SPATA21: variants seen among roughly 807,000 people sequenced by gnomAD.
SPATA21 encodes the protein spermatogenesis-associated protein 21.
In SPATA21, 47 loss-of-function variants were observed where a neutral mutation model predicts 54.8. That is an observed-to-expected ratio of 0.86 (90% confidence interval 0.68 to 1.09). The LOEUF (loss-of-function observed/expected upper bound fraction) is 1.09. SPATA21 is among the 50% of genes least tolerant of loss of function. The pLI, the probability that SPATA21 is intolerant of heterozygous loss-of-function variation, is 0.00. For synonymous variants in SPATA21, 245 were observed against 235.3 expected, an observed-to-expected ratio of 1.04 and a Z score of -0.38; for missense variants, 599 against 596.4, an observed-to-expected ratio of 1.00 and a Z score of -0.05.
chr1:16,409,111 C>A lies in SPATA21; in HGVS notation c.673+7G>T. The A allele has an allele frequency of 6.2e-7, 1 of 1,614,014 alleles. No individual in the cohort carries two copies. The highest frequency in any genetic ancestry group is 8.5e-7 in the Non-Finnish European group (1 of 1,179,932). On this transcript the variant is annotated splice_region_variant and intron_variant, in intron 7 of 12. Coordinates refer to ENST00000335496, the MANE Select transcript of SPATA21 (RefSeq NM_198546.1). This position sits in a 1 kb window ranked among gnomAD's most constrained non-coding sequence, Gnocchi z 4.1. ...TGCTGGGACCTCCCTGACCTCCCTGCCCTCACCTTCCTCTTGCTTCAGGGT... is the reference window on the plus strand; with the variant it reads ...TGCTGGGACCTCCCTGACCTCCCTGACCTCACCTTCCTCTTGCTTCAGGGT...
chr1:16,400,416 A>G (rs1257685216), intron 11 of SPATA21: 16 of 1,086,242 alleles, frequency 1.5e-5, no homozygotes, highest in Non-Finnish European at 1.8e-5. Context: ...GGCACTCAAT[A>G]AACAGTGAGC....
chr1:16,418,193 C>T (rs919921914), intron 5 of SPATA21, among the ~76,000 whole-genome samples: 1 of 152,266 alleles, frequency 6.6e-6, no homozygotes. Flanking sequence ...ATCCAGCCCA[C>T]GCTTTGCATG....
In SPATA21 at chr1:16,409,539, G is replaced by C; in HGVS notation, c.587+62C>G. On this transcript the variant is annotated intron_variant, in intron 6 of 12. Transcript: ENST00000335496. This position sits in a 1 kb window ranked among gnomAD's most constrained non-coding sequence, Gnocchi z 4.1. ...GGTGCAGGGACAGGGACCTGCATCCGGGACAAGGCTCTGATCTTGGGGCCT... is the reference window on the plus strand; with the variant it reads ...GGTGCAGGGACAGGGACCTGCATCCCGGACAAGGCTCTGATCTTGGGGCCT... 1.3e-6 allele frequency: 2 copies of C among 1,531,290 alleles called. No homozygotes were observed. The highest frequency in any genetic ancestry group is 1.8e-6 in the Non-Finnish European group (2 of 1,135,718). The allele number at this position is 1,531,290 out of a possible 1,614,324, so 94.9% of individuals were successfully genotyped here.
chr1:16,405,502 A>AC (rs1557647378), intron 7 of SPATA21, among the ~76,000 whole-genome samples: 11 of 148,578 alleles, frequency 7.4e-5, no homozygotes, highest in African/African-American at 2.7e-4. Context: ...TGAAAAAAAA[A>AC]AAAAAAAAAA....
intron 5 of SPATA21, among the ~76,000 whole-genome samples, chr1:16,413,023 C>T (rs946563401): frequency 2.0e-5 from 3 of 152,074 alleles, no homozygotes; most frequent in Non-Finnish European, 4.4e-5. Flanking sequence ...ACCTCTTGAT[C>T]CGCCCGCCTT....
chr1:16,405,120 G>A lies in SPATA21; in HGVS notation c.674-16C>T, dbSNP rs377295551. On this transcript the variant is annotated splice_polypyrimidine_tract_variant and intron_variant, in intron 7 of 12. Transcript: ENST00000335496. ...CTGCGGAAGGCTGTGGGGAGGGCAG[G>A]GTTATGTGGAGTGGGGGCATTTCTT... The A allele has an allele frequency of 1.3e-6, 2 of 1,596,452 alleles. No homozygotes were observed. Among genetic ancestry groups the A allele is most frequent in the Non-Finnish European group, 8.5e-7 (1 of 1,173,442 alleles).
rs993537319 is a variant in SPATA21 at position 16,431,731 on chromosome 1, C to T, written c.-51-309G>A. Reference sequence around the variant, plus strand: ...GGCCTGTTGAATCCCAAAACCCAGGCGCTTTCCCCGACGGCGACATTTCCT... The same window carrying T: ...GGCCTGTTGAATCCCAAAACCCAGGTGCTTTCCCCGACGGCGACATTTCCT... On this transcript the variant is annotated intron_variant, in intron 2 of 12. Transcript: ENST00000335496. Among the ~76,000 whole-genome samples the T allele has an allele frequency of 5.3e-5, 8 of 152,146 alleles. No individual in the cohort carries two copies. The East Asian group carries it at 5.8e-4, about 11-fold the overall frequency.
chr1:16,417,659 T>C (rs1399131764), intron 5 of SPATA21, among the ~76,000 whole-genome samples: 3 of 152,098 alleles, frequency 2.0e-5, no homozygotes, highest in Non-Finnish European at 4.4e-5. Context: ...GGTCTCGAAC[T>C]CCTGACCTCA....
At position 16,409,129 on chromosome 1, in the gene SPATA21, T is replaced by C; in HGVS notation, c.662A>G (p.Lys221Arg). 1 of 1,614,114 alleles carries C rather than the reference T, an allele frequency of 6.2e-7. No individual in the cohort carries two copies. Among genetic ancestry groups the C allele is most frequent in the Non-Finnish European group, 8.5e-7 (1 of 1,179,992 alleles). ...REKSEEQLTL[K>R]QEEAFRSYFE... ...CTCCCTGCCCTCACCTTCCTCTTGCTTCAGGGTCAGTTGCTCCTCGGACTT... is the reference window on the plus strand; with the variant it reads ...CTCCCTGCCCTCACCTTCCTCTTGCCTCAGGGTCAGTTGCTCCTCGGACTT... The change falls in exon 7 of 13, where the codon AAG (lysine) becomes AGG (arginine). Residue 221 changes from lysine to arginine, a missense_variant. By Grantham distance (26) the Lys-to-Arg change is conservative. Coordinates refer to ENST00000335496, the MANE Select transcript of SPATA21 (RefSeq NM_198546.1). This position sits in a 1 kb window ranked among gnomAD's most constrained non-coding sequence, Gnocchi z 4.1.
Position 16,421,788 on chromosome 1 carries a change from G to C in SPATA21, c.95+123C>G. 1 of 1,446,522 alleles carries C rather than the reference G, an allele frequency of 6.9e-7. No individual in the cohort carries two copies. The allele number at this position is 1,446,522 out of a possible 1,614,324, so 89.6% of individuals were successfully genotyped here. A position where few individuals can be genotyped will look rare whatever the true frequency, so the allele number is the denominator to read the frequency against. ...GATGGGGAAATTGAGACCCAGCGGA[G>C]CATGACTTGCCCAAGGTCCTCTACC... On this transcript the variant is annotated intron_variant, in intron 4 of 12. Transcript: ENST00000335496. The surrounding 1 kb of genome is among the most constrained non-coding windows in gnomAD (Gnocchi z 5.2).
In SPATA21 at chr1:16,398,763, G is replaced by C. The variant is rs747128479; in HGVS notation, c.*2C>G. On this transcript the variant is annotated 3_prime_UTR_variant, in exon 13 of 13. Coordinates refer to ENST00000335496, the MANE Select transcript of SPATA21 (RefSeq NM_198546.1). ...GCTGCCTAGAGTCAGGCCTCCAGAG[G>C]GTCAGTGGGTTCGAGCTGGCACAGA... 5.0e-5 allele frequency: 81 copies of C among 1,613,734 alleles called. No individual in the cohort carries two copies. The highest frequency in any genetic ancestry group is 1.2e-4 in the Admixed American group (7 of 59,984).
intron 3 of SPATA21, 195 bp downstream of exon 3, chr1:16,431,143 A>T (rs1002943126): frequency 6.9e-5 from 93 of 1,340,052 alleles, no homozygotes; most frequent in Admixed American, 1.7e-4. Flanking sequence ...CATTTTTAAC[A>T]GAGTCTTAAT....
intron 3 of SPATA21, among the ~76,000 whole-genome samples, chr1:16,424,715 C>G (rs778061112): frequency 1.6e-4 from 24 of 151,626 alleles, no homozygotes; most frequent in Non-Finnish European, 2.9e-4. Context: ...CGCCTGGCCT[C>G]TAATCATATC....
downstream of SPATA21, chr1:16,398,537 A>C (rs1252067915): frequency 3.6e-6 from 2 of 556,850 alleles, no homozygotes; most frequent in African/African-American, 3.8e-5. Context: ...CCTGTAGCAG[A>C]AATCCCAACC....
At chr1:16,418,215 G>T (rs1047199441) in intron 5 of SPATA21, among the ~76,000 whole-genome samples, 2 of 152,210 alleles carry the variant, frequency 1.3e-5, no homozygotes, top group East Asian at 3.8e-4. Flanking sequence ...GGTAGGGATG[G>T]GGTAAAAGGC....
At chr1:16,425,305 A>G in intron 3 of SPATA21, 1 of 657,860 alleles carries the variant, frequency 1.5e-6, no homozygotes, top group Admixed American at 2.2e-5. Context: ...CACAGAGGTG[A>G]GCAAACATTC....
chr1:16,426,575 ATATATTT>A (rs2086327058), intron 3 of SPATA21, among the ~76,000 whole-genome samples: 3 of 117,898 alleles, frequency 2.5e-5, no homozygotes, highest in Non-Finnish European at 3.5e-5. Context: ...ATATATATAT[ATATATTT>A]TTTTTTTTTT....
intron 3 of SPATA21, among the ~76,000 whole-genome samples, chr1:16,429,438 A>T (rs1356157571): frequency 6.6e-6 from 1 of 150,680 alleles, no homozygotes; most frequent in Non-Finnish European, 1.5e-5. Flanking sequence ...CTGACTTTTT[A>T]TTTTATTGTA....
rs2086368631 is a variant in SPATA21 at position 16,428,144 on chromosome 1, G to A, written c.34+3194C>T. On this transcript the variant is annotated intron_variant, in intron 3 of 12. Coordinates refer to ENST00000335496, the MANE Select transcript of SPATA21 (RefSeq NM_198546.1). This position sits in a 1 kb window ranked among gnomAD's most constrained non-coding sequence, Gnocchi z 4.3. Reference sequence around the variant, plus strand: ...CAGGGAGATCCTGTGCCTGATTGGGGAAGCTGTTGGAGAGGGGTGAGCAGG... The same window carrying A: ...CAGGGAGATCCTGTGCCTGATTGGGAAAGCTGTTGGAGAGGGGTGAGCAGG... 7.9e-7 allele frequency: 1 copy of A among 1,258,454 alleles called. No homozygotes were observed. Among genetic ancestry groups the A allele is most frequent in the East Asian group, 2.7e-5 (1 of 37,592 alleles). The allele number at this position is 1,258,454 out of a possible 1,614,324, so 78.0% of individuals were successfully genotyped here.
Sources: allele counts gnomAD v4.1 joint callset (sites outside exome capture counted in the v4.1 genomes callset), GRCh38; gene constraint gnomAD v4.1.1; non-coding constraint Gnocchi (gnomAD v3.1); transcripts MANE v1.5; gene names NCBI Gene and HGNC (gene_info 2026-07-23, HGNC 2026-07-21).